The following ZSCAN5A variants were observed in gnomAD, a reference collection of about 807,000 sequenced individuals.
ZSCAN5A encodes zinc finger and SCAN domain-containing protein 5A.
ZSCAN5A carries 12 observed loss-of-function variants against 23.7 expected under a neutral mutation model. The observed-to-expected ratio is 0.51, with a 90% CI of 0.32 to 0.82. ZSCAN5A has a LOEUF of 0.82. Ranked by LOEUF, ZSCAN5A falls within the 40% of genes least tolerant of loss-of-function variation. ZSCAN5A has a pLI of 0.03. For synonymous variants in ZSCAN5A, 257 were observed against 239.9 expected (o/e 1.07, Z -0.66); for missense variants, 597 against 617.9 (o/e 0.97, Z 0.36).
intron 2 of ZSCAN5A, chr19:56,342,389 G>C (rs1568760521): frequency 4.3e-6 from 1 of 234,940 alleles, no homozygotes; most frequent in Non-Finnish European, 9.0e-6. Context: ...GTAGATACTA[G>C]TACCCTTAGT....
chr19:56,232,012 G>C, intron 2 of ZSCAN5A, among the ~76,000 whole-genome samples: 2 of 11,436 alleles, frequency 1.7e-4, no homozygotes, highest in Admixed American at 1.0e-3. Flanking sequence ...TTTTGAGACA[G>C]TGTCTTGCTC....
chr19:56,256,921 G>A (rs980758329), intron 2 of ZSCAN5A, among the ~76,000 whole-genome samples: 5 of 152,190 alleles, frequency 3.3e-5, no homozygotes, highest in African/African-American at 7.2e-5. Context: ...AAGCAAACAG[G>A]TGGTTCTGGG....
chr19:56,245,016 C>G (rs1033479387), intron 2 of ZSCAN5A, among the ~76,000 whole-genome samples: 1 of 152,176 alleles, frequency 6.6e-6, no homozygotes, highest in Non-Finnish European at 1.5e-5. Context: ...TTTAGAGACC[C>G]TTTCATCTAA....
At chr19:56,242,422 A>C (rs931416458) in intron 2 of ZSCAN5A, among the ~76,000 whole-genome samples, 1 of 152,134 alleles carries the variant, frequency 6.6e-6, no homozygotes, top group Non-Finnish European at 1.5e-5. Context: ...TATGTTTTGC[A>C]CAGGAACTGC....
rs2041366698 is a variant in ZSCAN5A at position 56,320,724 on chromosome 19, G to A, written c.-357-4456C>T. ...TAGTTCACCTCTGCTTCAATATATGGAAATTCTGACACAAGACGTACTCCA... is the reference window on the plus strand; with the variant it reads ...TAGTTCACCTCTGCTTCAATATATGAAAATTCTGACACAAGACGTACTCCA... On this transcript the variant is annotated intron_variant, in intron 2 of 6. Coordinates refer to the ZSCAN5A transcript ENST00000587340. The A allele has an allele frequency of 5.9e-6, 7 of 1,196,110 alleles. No individual in the cohort carries two copies. The South Asian group carries it at 8.5e-5, about 14-fold the overall frequency. The allele number at this position is 1,196,110 out of a possible 1,614,324, so 74.1% of individuals were successfully genotyped here. A position where few individuals can be genotyped will look rare whatever the true frequency, so the allele number is the denominator to read the frequency against.
At chr19:56,231,996 CT>C (rs59525392) in intron 2 of ZSCAN5A, among the ~76,000 whole-genome samples, 7 of 124,972 alleles carry the variant, frequency 5.6e-5, no homozygotes, top group African/African-American at 1.2e-4. Context: ...TTTTTCTTTT[CT>C]TTTTTTTTGA....
intron 2 of ZSCAN5A, among the ~76,000 whole-genome samples, chr19:56,355,224 G>C (rs1001652468): frequency 6.7e-6 from 1 of 148,624 alleles, no homozygotes; most frequent in African/African-American, 2.5e-5. Flanking sequence ...TGGGCAGTAA[G>C]TGTGAACTTT....
intron 2 of ZSCAN5A, chr19:56,243,989 A>G (rs2035639184): frequency 7.4e-6 from 5 of 672,144 alleles, no homozygotes; most frequent in Non-Finnish European, 1.0e-5. Context: ...TCAATTAGAC[A>G]CCAGCTACTG....
intron 2 of ZSCAN5A, among the ~76,000 whole-genome samples, chr19:56,233,315 G>A (rs886373331): frequency 2.0e-5 from 3 of 152,168 alleles, no homozygotes; most frequent in South Asian, 2.1e-4. Flanking sequence ...CATTCATTTA[G>A]TCCAAACATC....
chr19:56,266,481 G>A (rs1251865594), intron 2 of ZSCAN5A: 1 of 146,284 alleles, frequency 6.8e-6, no homozygotes, highest in Admixed American at 7.3e-5. Flanking sequence ...TTCTGCTTGG[G>A]AGATGCCCCC....
upstream of ZSCAN5A, chr19:56,315,964 T>G (rs986186639): frequency 3.3e-5 from 5 of 152,212 alleles, no homozygotes; most frequent in African/African-American, 1.2e-4. Flanking sequence ...CTCCAGGGTC[T>G]TTGTGTATTG....
At chr19:56,319,806 T>C (rs571323019), upstream of ZSCAN5A, 65 of 776,870 alleles carry the variant, frequency 8.4e-5, no homozygotes, top group African/African-American at 7.8e-4. Flanking sequence ...TCCACTGGAA[T>C]TGGGACTCTT....
intron 2 of ZSCAN5A, among the ~76,000 whole-genome samples, chr19:56,276,600 G>A (rs778515579): frequency 1.7e-4 from 26 of 151,064 alleles, no homozygotes; most frequent in African/African-American, 2.2e-4. Flanking sequence ...GTAGTGGTGC[G>A]ATCTGGGTTC....
chr19:56,228,267 T>C (rs1217100962), intron 2 of ZSCAN5A: 4 of 985,254 alleles, frequency 4.1e-6, no homozygotes, highest in African/African-American at 3.5e-5. Context: ...TCCCGGCTTC[T>C]GCCTCCGACC....
chr19:56,263,592 T>C (rs551366126), intron 2 of ZSCAN5A: 37 of 152,306 alleles, frequency 2.4e-4, no homozygotes, highest in African/African-American at 8.4e-4. Context: ...CTCTAGACCC[T>C]GGATGTTCTA....
At chr19:56,230,698 T>A (rs960159373) in intron 2 of ZSCAN5A, among the ~76,000 whole-genome samples, 1 of 151,910 alleles carries the variant, frequency 6.6e-6, no homozygotes, top group Non-Finnish European at 1.5e-5. Context: ...ATTTCAAGTA[T>A]ACAGTACAGA....
intron 2 of ZSCAN5A, chr19:56,354,391 G>A (rs139464882): frequency 1.1e-4 from 16 of 152,320 alleles, no homozygotes; most frequent in Middle Eastern, 6.8e-3. Context: ...AAGGAACAGA[G>A]TACCTCTAGA....
At chr19:56,277,951 AAAT>A (rs2038389368) in intron 2 of ZSCAN5A, among the ~76,000 whole-genome samples, 1 of 152,190 alleles carries the variant, frequency 6.6e-6, no homozygotes, top group African/African-American at 2.4e-5. Context: ...ATACTGACAT[AAAT>A]AAAATGTTTT....
chr19:56,360,670 C>G (rs1449179483), intron 2 of ZSCAN5A, among the ~76,000 whole-genome samples: 1 of 151,538 alleles, frequency 6.6e-6, no homozygotes, highest in Non-Finnish European at 1.5e-5. Context: ...ACACCTTATA[C>G]AAAAATTAAC....
Sources: gnomAD v4.1 joint callset for allele counts (sites outside exome capture counted in the v4.1 genomes callset) on GRCh38, gnomAD v4.1.1 for gene constraint, MANE v1.5 for transcripts, NCBI Gene and HGNC (gene_info 2026-07-23, HGNC 2026-07-21) for gene names.